ATP2B4: variants seen among roughly 807,000 people sequenced by gnomAD.
ATP2B4 encodes the protein plasma membrane calcium-transporting ATPase 4.
Under a neutral mutation model 110.3 loss-of-function variants are expected in ATP2B4, and 39 were observed. That is an observed-to-expected ratio of 0.35 (90% CI 0.27 to 0.46). ATP2B4 has a LOEUF of 0.46. Among genes scored for constraint, ATP2B4 ranks in the 20% least tolerant of loss-of-function variants. The pLI is 1.00. For missense variants in ATP2B4, 1,135 were observed against 1,530.9 expected (o/e 0.74, Z 4.32); for synonymous variants, 538 against 571.7 (o/e 0.94, Z 0.84).
rs373349065 is a variant in ATP2B4 at position 203,709,475 on chromosome 1, G to A, written c.1732G>A (p.Val578Ile). 3.8e-5 allele frequency: 61 copies of A among 1,614,154 alleles called. No individual in the cohort carries two copies. Among genetic ancestry groups the A allele is most frequent in the African/African-American group, 2.5e-4 (19 of 75,040 alleles). ...FNSVRKSMST[V>I]IRNPNGGFRM... Reference sequence around the variant, plus strand: ...CTCAGTGCGCAAGTCAATGAGCACCGTCATCAGGAATCCCAACGGTGGCTT... The same window carrying A: ...CTCAGTGCGCAAGTCAATGAGCACCATCATCAGGAATCCCAACGGTGGCTT... The change falls in exon 11 of 21, where the codon GTC becomes ATC. Residue 578 changes from valine (V) to isoleucine (I), a missense_variant. Transcript: ENST00000357681.
chr1:203,720,517 C>A, intron 15 of ATP2B4, 32 bp from the exon 16 acceptor site: 1 of 1,572,572 alleles, frequency 6.4e-7, no homozygotes, highest in South Asian at 1.2e-5. Flanking sequence ...TTTATCCACT[C>A]CCTCACTGTT....
At chr1:203,728,284 C>A in intron 20 of ATP2B4, 1 of 411,876 alleles carries the variant, frequency 2.4e-6, no homozygotes, top group Non-Finnish European at 5.0e-6. Context: ...GTCTATAGCC[C>A]CACAATAACT....
At chr1:203,677,194 A>G (rs1384564858) in intron 1 of ATP2B4, among the ~76,000 whole-genome samples, 1 of 152,192 alleles carries the variant, frequency 6.6e-6, no homozygotes, top group Non-Finnish European at 1.5e-5. Flanking sequence ...GAATGATAAT[A>G]GCTACAGTGT....
chr1:203,732,207 T>G (rs996050712), intron 20 of ATP2B4, among the ~76,000 whole-genome samples: 1 of 150,570 alleles, frequency 6.6e-6, no homozygotes, highest in Non-Finnish European at 1.5e-5. Flanking sequence ...ATGGCATTAA[T>G]TGCCTCTGTC....
In ATP2B4 at chr1:203,707,116, A is replaced by G. The variant is rs191018911; in HGVS notation, c.1207A>G (p.Ile403Val). Residue 403 changes from isoleucine to valine, a missense_variant, in exon 9 of 21, where the codon ATC becomes GTC. Physicochemically the swap from Ile to Val is conservative, Grantham distance 29. Coordinates refer to ENST00000357681, the MANE Select transcript of ATP2B4 (RefSeq NM_001684.5). ...GCTCCCTGAGTGTACTCCCATCTAC[A>G]TCCAGTACTTTGTCAAGTTCTTCAT... The part of the protein sequence containing the change: ...PWLPECTPIY[I>V]QYFVKFFIIG... The G allele has an allele frequency of 1.9e-6, 3 of 1,614,074 alleles. No homozygotes were observed. The highest frequency in any genetic ancestry group is 2.2e-5 in the East Asian group (1 of 44,868).
chr1:203,714,367 C>T, intron 15 of ATP2B4, 90 bp downstream of exon 15: 1 of 1,360,534 alleles, frequency 7.4e-7, no homozygotes. Flanking sequence ...GCTTGCTACA[C>T]CTGCATAGCC....
chr1:203,664,134 G>A (rs1664433008), intron 1 of ATP2B4, among the ~76,000 whole-genome samples: 1 of 152,204 alleles, frequency 6.6e-6, no homozygotes, highest in East Asian at 1.9e-4. Flanking sequence ...CCACATGTGA[G>A]TTCTTAACAG....
At chr1:203,630,676 G>A (rs1262609810) in intron 1 of ATP2B4, among the ~76,000 whole-genome samples, 2 of 152,132 alleles carry the variant, frequency 1.3e-5, no homozygotes, top group Non-Finnish European at 2.9e-5. Context: ...CCCGAAGGGC[G>A]CCCCTCAGAC....
rs1426282830 is a variant in ATP2B4, at chr1:203,740,815, A to G, written c.*961A>G. Reference sequence around the variant, plus strand: ...GAACTGGGTATGACCCTGCCCCCTTACTGGGCTTGGATATTGAGGACCAGA... The same window carrying G: ...GAACTGGGTATGACCCTGCCCCCTTGCTGGGCTTGGATATTGAGGACCAGA... On this transcript the variant is annotated 3_prime_UTR_variant, in exon 21 of 21. Transcript: ENST00000357681. 2.0e-5 allele frequency: 3 copies of G among 152,262 alleles called. No individual in the cohort carries two copies. The highest frequency in any genetic ancestry group is 4.8e-5 in the African/African-American group (2 of 41,456). 9.4% of individuals were successfully genotyped at this position (152,262 alleles called of 1,614,324 possible). A position where few individuals can be genotyped will look rare whatever the true frequency, so the allele number is the denominator to read the frequency against.
chr1:203,723,127 G>A (rs1171963990), intron 18 of ATP2B4, among the ~76,000 whole-genome samples: 2 of 152,060 alleles, frequency 1.3e-5, no homozygotes, highest in African/African-American at 4.8e-5. Flanking sequence ...CAAAGAAAGA[G>A]AAGTAATGGG....
chr1:203,720,486 G>A, intron 15 of ATP2B4, 63 bp from the exon 16 acceptor site: 1 of 1,489,506 alleles, frequency 6.7e-7, no homozygotes, highest in Non-Finnish European at 9.1e-7. Context: ...CTTCCTGGAG[G>A]TCAGGAAATG....
chr1:203,736,925 C>G (rs1261904474), intron 20 of ATP2B4, among the ~76,000 whole-genome samples: 1 of 152,204 alleles, frequency 6.6e-6, no homozygotes. Flanking sequence ...ACCCTTCTCT[C>G]CACCCACCAA....
chr1:203,630,497 A>G (rs1379923722), intron 1 of ATP2B4, among the ~76,000 whole-genome samples: 1 of 151,380 alleles, frequency 6.6e-6, no homozygotes, highest in African/African-American at 2.4e-5. Context: ...GATCTTGTTC[A>G]TTCTTAGTCC....
At chr1:203,727,365 C>A (rs16852224) in intron 19 of ATP2B4, 30 bp from the exon 20 acceptor site, 1 of 1,610,896 alleles carries the variant, frequency 6.2e-7, no homozygotes, top group Non-Finnish European at 8.5e-7. Context: ...CTGATTCTGA[C>A]GTCTTCCTCT....
At chr1:203,673,914 C>T (rs542038310) in intron 1 of ATP2B4, among the ~76,000 whole-genome samples, 4 of 152,166 alleles carry the variant, frequency 2.6e-5, no homozygotes, top group Non-Finnish European at 5.9e-5. Flanking sequence ...ATAAGCATGA[C>T]ATGATTCTGC....
intron 7 of ATP2B4, among the ~76,000 whole-genome samples, chr1:203,702,316 G>T (rs1234139545): frequency 6.6e-6 from 1 of 152,158 alleles, no homozygotes; most frequent in Non-Finnish European, 1.5e-5. Flanking sequence ...TCATGTCAAG[G>T]TTTGTCTTGG....
At chr1:203,684,563 G>T (rs1033560343) in intron 2 of ATP2B4, among the ~76,000 whole-genome samples, 1 of 151,846 alleles carries the variant, frequency 6.6e-6, no homozygotes, top group Admixed American at 6.6e-5. Flanking sequence ...TCACCCTGTG[G>T]GTCAGGCTGG....
At chr1:203,694,758 T>C (rs1012949753) in intron 2 of ATP2B4, among the ~76,000 whole-genome samples, 3 of 152,050 alleles carry the variant, frequency 2.0e-5, no homozygotes, top group Non-Finnish European at 4.4e-5. Context: ...GGCTAATACA[T>C]TGAGAAGAGA....
rs559318368 is a variant in ATP2B4, at chr1:203,737,320, G to A, written c.3310-2226G>A. On this transcript the variant is annotated intron_variant, in intron 20 of 20. Coordinates refer to ENST00000357681, the MANE Select transcript of ATP2B4 (RefSeq NM_001684.5). ...CTGATATTGAAGATGATGTACTGGCGGATAAAGGCACCTGCCCTCCTGTAA... is the reference window on the plus strand; with the variant it reads ...CTGATATTGAAGATGATGTACTGGCAGATAAAGGCACCTGCCCTCCTGTAA... 4.7e-4 allele frequency among the ~76,000 whole-genome samples: 71 copies of A among 152,266 alleles called. 1 individual carries two copies. Among genetic ancestry groups the A allele is most frequent in the Middle Eastern group, 6.8e-3 (2 of 294 alleles).
Sources: allele counts gnomAD v4.1 joint callset (sites outside exome capture counted in the v4.1 genomes callset), GRCh38; gene constraint gnomAD v4.1.1; transcripts MANE v1.5; gene names NCBI Gene and HGNC (gene_info 2026-07-23, HGNC 2026-07-21).